ADAR: variants seen among roughly 807,000 people sequenced by gnomAD.
ADAR encodes the protein adenosine deaminase RNA specific.
In ADAR, 41 loss-of-function variants were observed where a neutral mutation model predicts 113.2. The observed-to-expected ratio is 0.36, with a 90% CI of 0.28 to 0.47. The LOEUF is 0.47. Ranked by LOEUF, ADAR falls within the 20% of genes least tolerant of loss-of-function variation. The pLI is 1.00. For missense variants in ADAR, 1,242 were observed against 1,540.9 expected, an observed-to-expected ratio of 0.81 and a Z score of 3.25; for synonymous variants, 605 against 572.6, an observed-to-expected ratio of 1.06 and a Z score of -0.81.
Position 154,596,873 on chromosome 1 carries a change from G to A in ADAR, c.2202C>T (p.Tyr734=), listed in dbSNP as rs375867672. 27 of 1,613,994 alleles carry A rather than the reference G, an allele frequency of 1.7e-5. No individual in the cohort carries two copies. The highest frequency in any genetic ancestry group is 6.7e-5 in the African/African-American group (5 of 74,906). ...NTNPVGGLLE[Y]ARSHGFAAEF... ...CAGCAGCAAAGCCATGGGAGCGGGC[G>A]TACTCCAAAAGGCCACCCACAGGGT... Residue 734 remains tyrosine, a synonymous_variant, in exon 6 of 15, where the codon TAC becomes TAT. Coordinates refer to ENST00000368474, the MANE Select transcript of ADAR (RefSeq NM_001111.5).
intron 1 of ADAR, among the ~76,000 whole-genome samples, chr1:154,614,232 T>C (rs1260480605): frequency 2.6e-5 from 4 of 152,242 alleles, no homozygotes; most frequent in African/African-American, 9.6e-5. Flanking sequence ...CTTGTGGTTT[T>C]ATACATTATA....
Position 154,590,241 on chromosome 1 carries a change from G to C in ADAR, c.2439C>G (p.Ala813=). 1.9e-6 allele frequency: 3 copies of C among 1,613,354 alleles called. No individual in the cohort carries two copies. The highest frequency in any genetic ancestry group is 2.5e-6 in the Non-Finnish European group (3 of 1,179,938). ...GGAGGAGCATAGTTCTTCTGAGACT[G>C]GCCCCTGTCACTGGGGTTACCTCTG... ...GFTEVTPVTG[A]SLRRTMLLLS... is the part of the protein sequence containing the mutation. Residue 813 remains alanine (A), a synonymous_variant, in exon 7 of 15, where the codon GCC becomes GCG. Transcript: ENST00000368474.
chr1:154,593,199 TAGAC>T (rs1367471359), intron 6 of ADAR, among the ~76,000 whole-genome samples: 1 of 144,652 alleles, frequency 6.9e-6, no homozygotes, highest in Non-Finnish European at 1.5e-5. Context: ...CCAGCCACAG[TAGAC>T]AGAAAGGAAA....
rs1262442787 is a variant in ADAR at position 154,597,216 on chromosome 1, A to G, written c.1986T>C (p.Ala662=). 6.2e-7 allele frequency: 1 copy of G among 1,614,118 alleles called. No homozygotes were observed. Among genetic ancestry groups the G allele is most frequent in the African/African-American group, 1.3e-5 (1 of 75,026 alleles). ...TCTGCTTTGCCACTTTCTTGCTGGGAGCACTCACACTGGGGAAAGTTTGGG... is the reference window on the plus strand; with the variant it reads ...TCTGCTTTGCCACTTTCTTGCTGGGGGCACTCACACTGGGGAAAGTTTGGG... ...VGAQTFPSVS[A]PSKKVAKQMA... The change falls in exon 5 of 15, where the codon GCT becomes GCC. Residue 662 remains alanine, a synonymous_variant. Transcript: ENST00000368474.
chr1:154,584,690 A>T lies in ADAR; in HGVS notation c.*116T>A. On this transcript the variant is annotated 3_prime_UTR_variant, in exon 15 of 15. Coordinates refer to ENST00000368474, the MANE Select transcript of ADAR (RefSeq NM_001111.5). ...TTTTCAGTATCACCAATTATGGCTT[A>T]AAAAGAAAAAAAAAGGAGAAAAAAA... The T allele has an allele frequency of 1.0e-6, 1 of 978,190 alleles. No homozygotes were observed. Among genetic ancestry groups the T allele is most frequent in the South Asian group, 1.5e-5 (1 of 65,776 alleles). The allele number at this position is 978,190 out of a possible 1,614,324, so 60.6% of individuals were successfully genotyped here. A position where few individuals can be genotyped will look rare whatever the true frequency, so the allele number is the denominator to read the frequency against.
At chr1:154,626,173 T>A (rs1387356943) in intron 1 of ADAR, among the ~76,000 whole-genome samples, 2 of 147,662 alleles carry the variant, frequency 1.4e-5, no homozygotes, top group Non-Finnish European at 3.0e-5. Flanking sequence ...TGGGGTGCAA[T>A]GGTGGATATT....
intron 10 of ADAR, 119 bp from the exon 11 acceptor site, chr1:154,588,377 C>T: frequency 6.5e-7 from 1 of 1,532,084 alleles, no homozygotes; most frequent in Non-Finnish European, 9.0e-7. Flanking sequence ...CCATGGGAGA[C>T]TGGAGGTGGA....
rs1211452885 is a variant in ADAR, at chr1:154,600,018, C to T, written c.1601+1023G>A. ...CCACCCCCACTGTGTATGCAGCCTG[C>T]CCCAACCCACCTGCTCCTGCACCTC... On this transcript the variant is annotated intron_variant, in intron 2 of 14. Transcript: ENST00000368474. Among the ~76,000 whole-genome samples, 5 of 152,294 alleles carry T rather than the reference C, an allele frequency of 3.3e-5. No homozygotes were observed. In the East Asian group the frequency reaches 5.8e-4, roughly 18 times the overall value.
Position 154,590,152 on chromosome 1 carries a change from C to T in ADAR, c.2496+32G>A, listed in dbSNP as rs745956839. ...TAGGAGTTAGGAGGACCCCCCCGCCCCAAAAAAGGCACCAAAAGTAGACGT... is the reference window on the plus strand; with the variant it reads ...TAGGAGTTAGGAGGACCCCCCCGCCTCAAAAAAGGCACCAAAAGTAGACGT... On this transcript the variant is annotated intron_variant, in intron 7 of 14. Coordinates refer to ENST00000368474, the MANE Select transcript of ADAR (RefSeq NM_001111.5). 38 of 1,333,496 alleles carry T rather than the reference C, an allele frequency of 2.8e-5. 3 individuals carry two copies. The Admixed American group carries it at 6.2e-4, about 22-fold the overall frequency. 82.6% of individuals were successfully genotyped at this position (1,333,496 alleles called of 1,614,324 possible). A position where few individuals can be genotyped will look rare whatever the true frequency, so the allele number is the denominator to read the frequency against.
Position 154,601,967 on chromosome 1 carries a change from C to T in ADAR, c.675G>A (p.Pro225=), listed in dbSNP as rs771459105. 5.2e-5 allele frequency: 84 copies of T among 1,608,632 alleles called. No individual in the cohort carries two copies. Among genetic ancestry groups the T allele is most frequent in the Admixed American group, 1.2e-4 (7 of 59,554 alleles). ...AGTTTCTGTCTTCCGGTTCCAAACT[C>T]GGGTCTGAGTTTGGGGCTCCTTGGC... ...GHSQGAPNSD[P]SLEPEDRNST... Residue 225 remains proline, a synonymous_variant, in exon 2 of 15, where the codon CCG becomes CCA. Coordinates refer to ENST00000368474, the MANE Select transcript of ADAR (RefSeq NM_001111.5). The surrounding 1 kb of genome is among the most constrained non-coding windows in gnomAD (Gnocchi z 4.7).
chr1:154,597,735 T>C, intron 4 of ADAR, 93 bp downstream of exon 4: 1 of 1,549,086 alleles, frequency 6.5e-7, no homozygotes, highest in Non-Finnish European at 8.9e-7. Context: ...GAGAAATTGG[T>C]CAATCTGCCA....
chr1:154,618,866 T>C (rs772538275), intron 1 of ADAR, among the ~76,000 whole-genome samples: 19 of 152,220 alleles, frequency 1.2e-4, no homozygotes, highest in South Asian at 4.2e-4. Context: ...TCTCAGCACT[T>C]TGGAAGTCCG....
At chr1:154,604,441 C>G (rs1483598502) in intron 1 of ADAR, among the ~76,000 whole-genome samples, 1 of 152,228 alleles carries the variant, frequency 6.6e-6, no homozygotes, top group East Asian at 1.9e-4. Flanking sequence ...CCACTGTCCC[C>G]CTTTTCTTCT....
intron 12 of ADAR, 91 bp downstream of exon 12, chr1:154,586,090 G>A (rs1166172223): frequency 3.3e-6 from 5 of 1,504,420 alleles, no homozygotes; most frequent in Non-Finnish European, 4.6e-6. Flanking sequence ...CTTTGATAAG[G>A]GAGACAAAAC....
At chr1:154,588,479 G>C in intron 10 of ADAR, 72 bp downstream of exon 10, 1 of 1,598,976 alleles carries the variant, frequency 6.3e-7, no homozygotes. Context: ...TTACAGGCCA[G>C]GAGAGCATTT....
chr1:154,623,380 CTGGAT>C (rs980979805), intron 1 of ADAR, among the ~76,000 whole-genome samples: 3 of 152,158 alleles, frequency 2.0e-5, no homozygotes, highest in Non-Finnish European at 4.4e-5. Context: ...ACACAACCCA[CTGGAT>C]TCATTCCAGT....
rs558496566 is a variant in ADAR, at chr1:154,597,872, G to A, written c.1890C>T (p.Cys630=). ...CTTCTTTGGACAGGAGACGGAATTC[G>A]CAGGAGTTCCCCAATTTGTGCATAC... ...LECMHKLGNS[C]EFRLLSKEGP... The change falls in exon 4 of 15, where the codon TGC becomes TGT. Residue 630 remains cysteine (C), a synonymous_variant. Coordinates refer to ENST00000368474, the MANE Select transcript of ADAR (RefSeq NM_001111.5). 1.4e-4 allele frequency: 219 copies of A among 1,614,176 alleles called. 2 individuals are homozygous for A. The South Asian group carries it at 2.3e-3, about 17-fold the overall frequency.
Position 154,602,260 on chromosome 1 carries a change from A to C in ADAR, c.382T>G (p.Ser128Ala). 1.2e-6 allele frequency: 2 copies of C among 1,614,094 alleles called. No individual in the cohort carries two copies. Among genetic ancestry groups the C allele is most frequent in the Non-Finnish European group, 1.7e-6 (2 of 1,180,012 alleles). The change falls in exon 2 of 15, where the codon TCA becomes GCA. Residue 128 changes from serine (S) to alanine (A), a missense_variant. By Grantham distance (99) the Ser-to-Ala change is moderately conservative. Coordinates refer to ENST00000368474, the MANE Select transcript of ADAR (RefSeq NM_001111.5). ...LPQRGVDCLS[S>A]HFQELSIYQD... ...TAGATACTCAGTTCCTGGAAATGTG[A>C]GGAAAGGCAATCAACACCTCTCTGT... is the stretch of plus-strand genomic sequence containing the variant.
chr1:154,605,984 T>G (rs1358875006), intron 1 of ADAR: 3 of 947,490 alleles, frequency 3.2e-6, no homozygotes, highest in African/African-American at 3.5e-5. Context: ...GAAACATTCA[T>G]TCTATGGAAT....
Sources: gnomAD v4.1 joint callset for allele counts (sites outside exome capture counted in the v4.1 genomes callset) on GRCh38, gnomAD v4.1.1 for gene constraint, Gnocchi (gnomAD v3.1) non-coding constraint, MANE v1.5 for transcripts, NCBI Gene and HGNC (gene_info 2026-07-23, HGNC 2026-07-21) for gene names.